The following LARGE1 variants were observed in gnomAD, a reference collection of about 807,000 sequenced individuals.
LARGE1 encodes the protein LARGE xylosyl- and glucuronyltransferase 1, also known as xylosyl- and glucuronyltransferase LARGE1.
In LARGE1, 43 loss-of-function variants were observed where a neutral mutation model predicts 87.6. The ratio of observed to expected loss-of-function variants is 0.49; its 90% CI spans 0.38 to 0.63. The LOEUF (loss-of-function observed/expected upper bound fraction) is 0.63, where lower values mean the gene tolerates loss of function less well. LARGE1 is among the 30% of genes least tolerant of loss of function. The probability of loss-of-function intolerance (pLI) is 0.00; values close to 1 mark genes in which losing one functional copy is unlikely to be tolerated. For missense variants in LARGE1, 802 were observed against 1,000.2 expected (o/e 0.80, Z 2.67); for synonymous variants, 434 against 394.6 (o/e 1.10, Z -1.18).
chr22:33,893,683 G>A (rs1474604098), intron 1 of LARGE1, among the ~76,000 whole-genome samples: 1 of 152,156 alleles, frequency 6.6e-6, no homozygotes, highest in East Asian at 1.9e-4. Context: ...AACTTAAGTG[G>A]TACAGGTAAG....
intron 2 of LARGE1, among the ~76,000 whole-genome samples, chr22:33,751,172 C>T (rs1361798018): frequency 6.6e-6 from 1 of 152,134 alleles, no homozygotes; most frequent in Non-Finnish European, 1.5e-5. Flanking sequence ...GCTATATAGT[C>T]ATCACACAGG....
chr22:33,430,463 A>G (rs575804197), intron 7 of LARGE1, among the ~76,000 whole-genome samples: 9 of 152,158 alleles, frequency 5.9e-5, no homozygotes, highest in Non-Finnish European at 1.0e-4. Flanking sequence ...CCCATCATCC[A>G]GCAACTAAAG....
chr22:33,612,602 T>C (rs1048811959), intron 4 of LARGE1, among the ~76,000 whole-genome samples: 1 of 152,150 alleles, frequency 6.6e-6, no homozygotes, highest in African/African-American at 2.4e-5. Flanking sequence ...GAAAGAACAA[T>C]AGTCATATTT....
At chr22:33,292,797 T>C (rs1357887900) in intron 12 of LARGE1, among the ~76,000 whole-genome samples, 1 of 152,206 alleles carries the variant, frequency 6.6e-6, no homozygotes, top group East Asian at 1.9e-4. Flanking sequence ...TTTAATCGGA[T>C]GATGTAGATT....
At chr22:33,847,692 G>C (rs576611207) in intron 1 of LARGE1, among the ~76,000 whole-genome samples, 7 of 152,334 alleles carry the variant, frequency 4.6e-5, no homozygotes, top group Non-Finnish European at 4.4e-5. Flanking sequence ...CTACACGATA[G>C]ACTCAAGTCT....
At chr22:33,908,887 G>A (rs911834343) in intron 1 of LARGE1, among the ~76,000 whole-genome samples, 1 of 152,140 alleles carries the variant, frequency 6.6e-6, no homozygotes, top group Non-Finnish European at 1.5e-5. Flanking sequence ...CACTTTTAAG[G>A]TGAATCCAGA....
intron 1 of LARGE1, among the ~76,000 whole-genome samples, chr22:33,867,903 A>G (rs951244193): frequency 3.9e-5 from 6 of 152,074 alleles, no homozygotes; most frequent in African/African-American, 1.4e-4. Flanking sequence ...CAGCTCAAGT[A>G]CCAGTTCGGT....
At position 33,284,670 on chromosome 22, in the gene LARGE1, C is replaced by T. The variant is rs140346184; in HGVS notation, c.1731-1322G>A. Among the ~76,000 whole-genome samples the T allele has an allele frequency of 1.9e-3, 291 of 152,196 alleles. 1 individual carries two copies. Among genetic ancestry groups the T allele is most frequent in the Non-Finnish European group, 3.6e-3 (247 of 68,010 alleles). Reference sequence around the variant, plus strand: ...TTGGCTCACGGCAACCTCAGCCTCCCGGGTTCAAGCGATTCTCCTGTCTCA... The same window carrying T: ...TTGGCTCACGGCAACCTCAGCCTCCTGGGTTCAAGCGATTCTCCTGTCTCA... On this transcript the variant is annotated intron_variant, in intron 12 of 14. Transcript: ENST00000397394.
chr22:33,422,257 G>C (rs759308545), intron 7 of LARGE1, among the ~76,000 whole-genome samples: 10 of 152,206 alleles, frequency 6.6e-5, no homozygotes, highest in Non-Finnish European at 1.3e-4. Context: ...ACACATAATT[G>C]TTAAGTATCT....
chr22:33,624,810 G>T (rs1309311012), intron 4 of LARGE1, among the ~76,000 whole-genome samples: 1 of 152,180 alleles, frequency 6.6e-6, no homozygotes, highest in Non-Finnish European at 1.5e-5. Flanking sequence ...TAGAAACTGG[G>T]GAAGCAGGAA....
intron 6 of LARGE1, among the ~76,000 whole-genome samples, chr22:33,493,619 A>G (rs1016012027): frequency 6.6e-5 from 10 of 152,172 alleles, no homozygotes; most frequent in Non-Finnish European, 1.2e-4. Context: ...CCACCCCCAC[A>G]ACAGCAGCAA....
At chr22:33,150,600 C>T in the LARGE1 span, among the ~76,000 whole-genome samples, 1 of 152,298 alleles carries the variant, frequency 6.6e-6, no homozygotes, top group East Asian at 1.9e-4. Context: ...ACCTCAAGAT[C>T]TATCATTCAT....
chr22:33,835,271 A>G (rs1304091994), intron 1 of LARGE1, among the ~76,000 whole-genome samples: 1 of 152,216 alleles, frequency 6.6e-6, no homozygotes, highest in Non-Finnish European at 1.5e-5. Flanking sequence ...GTCATTTACA[A>G]TTCTACACTT....
chr22:33,897,049 G>A (rs75071729), intron 1 of LARGE1, among the ~76,000 whole-genome samples: 3,239 of 152,170 alleles, frequency 0.021, 123 homozygotes, highest in African/African-American at 0.075. Context: ...TCACCCCAAC[G>A]TTAGCAGATC....
At chr22:33,107,768 T>C in the LARGE1 span, among the ~76,000 whole-genome samples, 1 of 152,214 alleles carries the variant, frequency 6.6e-6, no homozygotes, top group African/African-American at 2.4e-5. Flanking sequence ...CTAGGGAGGC[T>C]GAGGAGCAAG....
At chr22:33,242,418 T>C (rs1015039495) in intron 11 of LARGE1, among the ~76,000 whole-genome samples, 1 of 152,206 alleles carries the variant, frequency 6.6e-6, no homozygotes, top group African/African-American at 2.4e-5. Flanking sequence ...GAGTGACACA[T>C]TCTCAGTCTA....
At chr22:33,395,928 C>T (rs184410384) in intron 7 of LARGE1, among the ~76,000 whole-genome samples, 21 of 152,300 alleles carry the variant, frequency 1.4e-4, no homozygotes, top group Non-Finnish European at 1.6e-4. Context: ...AAGGTGGTTA[C>T]GGCTTCCAAC....
chr22:33,205,948 C>CTT (rs386395258), intron 11 of LARGE1, among the ~76,000 whole-genome samples: 4,862 of 84,754 alleles, frequency 0.057, 404 homozygotes, highest in African/African-American at 0.19. Context: ...CATGCTAATT[C>CTT]TTTTTTTTTT....
intron 11 of LARGE1, chr22:33,221,854 C>T (rs911750292): frequency 2.0e-5 from 3 of 152,212 alleles, no homozygotes; most frequent in African/African-American, 7.2e-5. Context: ...ACACTAAAGT[C>T]TTTACTAAAG....
Sources: gnomAD v4.1 joint callset for allele counts (sites outside exome capture counted in the v4.1 genomes callset) on GRCh38, gnomAD v4.1.1 for gene constraint, MANE v1.5 for transcripts, NCBI Gene and HGNC (gene_info 2026-07-23, HGNC 2026-07-21) for gene names.